Variants in MEI4 observed in about 807,000 individuals in gnomAD.
MEI4 encodes the protein meiosis-specific protein MEI4.
In MEI4, 27 loss-of-function variants were observed where a neutral mutation model predicts 31.4. The observed-to-expected ratio is 0.86, with a 90% confidence interval of 0.63 to 1.19. MEI4 has a LOEUF of 1.19. Among genes scored for constraint, MEI4 ranks in the 50% most tolerant of loss-of-function variants. The pLI is 0.00. For missense variants in MEI4, 329 were observed against 398.9 expected, an observed-to-expected ratio of 0.82 and a Z score of 1.49; for synonymous variants, 122 against 145.4, an observed-to-expected ratio of 0.84 and a Z score of 1.16.
chr6:77,822,121 G>A (rs76336478), intron 3 of MEI4, among the ~76,000 whole-genome samples: 9 of 151,560 alleles, frequency 5.9e-5, no homozygotes, highest in South Asian at 4.2e-4. Flanking sequence ...TCTTTCTTAC[G>A]AATTCTGCAT....
intron 2 of MEI4, among the ~76,000 whole-genome samples, chr6:77,732,153 A>T (rs1023833603): frequency 1.3e-5 from 2 of 151,388 alleles, no homozygotes; most frequent in African/African-American, 4.9e-5. Flanking sequence ...AGTTTTTTCC[A>T]ATTCTGTGAA....
chr6:77,908,092 G>T (rs866808627), intron 4 of MEI4, among the ~76,000 whole-genome samples: 7 of 150,876 alleles, frequency 4.6e-5, no homozygotes, highest in Admixed American at 2.6e-4. Context: ...CTCCCATTCT[G>T]TAAGTTTCCT....
At chr6:77,920,962 G>A (rs1407502076) in intron 4 of MEI4, among the ~76,000 whole-genome samples, 3 of 151,812 alleles carry the variant, frequency 2.0e-5, no homozygotes, top group African/African-American at 7.2e-5. Flanking sequence ...AAATACTTAA[G>A]GATTCCAGAA....
At chr6:77,750,450 A>G (rs1767738924) in intron 2 of MEI4, among the ~76,000 whole-genome samples, 1 of 152,238 alleles carries the variant, frequency 6.6e-6, no homozygotes, top group South Asian at 2.1e-4. Context: ...TGGAAACCAA[A>G]GAAAGCAGGT....
At chr6:77,805,999 A>G (rs11756049) in intron 3 of MEI4, among the ~76,000 whole-genome samples, 20,928 of 152,070 alleles carry the variant, frequency 0.14, 1,527 homozygotes, top group Middle Eastern at 0.21. Flanking sequence ...GAGAAGAGGG[A>G]TGAAAATAAC....
rs575321223 is a variant in MEI4 at position 77,732,476 on chromosome 6, C to T, written c.233-28654C>T. 1.4e-3 allele frequency among the ~76,000 whole-genome samples: 219 copies of T among 152,110 alleles called. 3 individuals are homozygous for T. The highest frequency in any genetic ancestry group is 4.6e-3 in the African/African-American group (191 of 41,456). On this transcript the variant is annotated intron_variant, in intron 2 of 4. Transcript: ENST00000684080. ...ATGCTTGTGATTTTTGCACATTGAT[C>T]TTGTATCCTGAGACTTTGCTGAAGT...
chr6:77,736,080 C>T (rs867504874), intron 2 of MEI4, among the ~76,000 whole-genome samples: 3 of 152,062 alleles, frequency 2.0e-5, no homozygotes, highest in Non-Finnish European at 4.4e-5. Context: ...TTACTGCTGT[C>T]TTTTTGTTTG....
In MEI4 at chr6:77,682,307, A is replaced by G. The variant is rs9448138; in HGVS notation, c.-14-8351A>G. Among the ~76,000 whole-genome samples, 1,226 of 152,336 alleles carry G rather than the reference A, an allele frequency of 8.0e-3. 14 individuals are homozygous for G. The highest frequency in any genetic ancestry group is 0.027 in the African/African-American group (1,110 of 41,572). On this transcript the variant is annotated intron_variant, in intron 1 of 4. Transcript: ENST00000684080. ...TTGGCAAGTATTTAGAGTAGGTCTC[A>G]CATAAGATAAAATCTGGTTTTCTCC...
intron 4 of MEI4, among the ~76,000 whole-genome samples, chr6:77,875,101 C>A (rs1771301042): frequency 1.3e-5 from 2 of 152,138 alleles, no homozygotes; most frequent in Non-Finnish European, 2.9e-5. Context: ...TGCTTCCCTA[C>A]ACAAAAAGGT....
chr6:77,733,318 C>A (rs559045759), intron 2 of MEI4, among the ~76,000 whole-genome samples: 8 of 151,998 alleles, frequency 5.3e-5, no homozygotes, highest in Non-Finnish European at 1.0e-4. Flanking sequence ...TGTTATTGGT[C>A]TATTCAGAGA....
At position 77,761,229 on chromosome 6, in the gene MEI4, G is replaced by T. The variant is rs1768036304; in HGVS notation, c.332G>T (p.Arg111Ile). Residue 111 changes from arginine (R) to isoleucine (I), a missense_variant, in exon 3 of 5, where the codon AGA (arginine) becomes ATA (isoleucine). Transcript: ENST00000684080. Reference sequence around the variant, plus strand: ...GGATGTGATTTGTCGAATGAGCAGAGAACTGAATCCTCAGACCTGTCCCAG... The same window carrying T: ...GGATGTGATTTGTCGAATGAGCAGATAACTGAATCCTCAGACCTGTCCCAG... ...DSGCDLSNEQ[R>I]TESSDLSQHF... 2 of 1,232,522 alleles carry T rather than the reference G, an allele frequency of 1.6e-6. No homozygotes were observed. The highest frequency in any genetic ancestry group is 2.0e-6 in the Non-Finnish European group (2 of 988,026). The allele number at this position is 1,232,522 out of a possible 1,614,324, so 76.3% of individuals were successfully genotyped here.
chr6:77,877,376 A>G (rs1771367249), intron 4 of MEI4, among the ~76,000 whole-genome samples: 1 of 151,992 alleles, frequency 6.6e-6, no homozygotes, highest in Non-Finnish European at 1.5e-5. Flanking sequence ...GTCATTGCTC[A>G]GCTTTTTATG....
intron 2 of MEI4, among the ~76,000 whole-genome samples, chr6:77,745,284 G>C (rs1164813665): frequency 6.6e-6 from 1 of 152,058 alleles, no homozygotes; most frequent in Non-Finnish European, 1.5e-5. Context: ...GACCTACCAA[G>C]CAAATGGAAA....
In MEI4 at chr6:77,924,316, T is replaced by A. The variant is rs1236407983; in HGVS notation, c.*970T>A. The A allele has an allele frequency of 1.3e-5, 2 of 151,920 alleles. No individual in the cohort carries two copies. Among genetic ancestry groups the A allele is most frequent in the Non-Finnish European group, 2.9e-5 (2 of 67,890 alleles). The allele number at this position is 151,920 out of a possible 1,614,324, so 9.4% of individuals were successfully genotyped here. On this transcript the variant is annotated 3_prime_UTR_variant, in exon 5 of 5. Coordinates refer to ENST00000684080, the MANE Select transcript of MEI4 (RefSeq NM_001322247.2). ...TAAATGTCGTTGGCATTAAAAGTAATCTTGATAATTCCATCTACAATGTAT... is the reference window on the plus strand; with the variant it reads ...TAAATGTCGTTGGCATTAAAAGTAAACTTGATAATTCCATCTACAATGTAT...
chr6:77,809,145 A>G (rs1162933280), intron 3 of MEI4, among the ~76,000 whole-genome samples: 1 of 152,194 alleles, frequency 6.6e-6, no homozygotes, highest in Non-Finnish European at 1.5e-5. Flanking sequence ...TTACTTACTC[A>G]ACATAATTAT....
At chr6:77,745,717 G>A (rs949565650) in intron 2 of MEI4, among the ~76,000 whole-genome samples, 1 of 152,002 alleles carries the variant, frequency 6.6e-6, no homozygotes, top group Non-Finnish European at 1.5e-5. Flanking sequence ...CACATACTGG[G>A]AAGTAAAGCA....
intron 3 of MEI4, among the ~76,000 whole-genome samples, chr6:77,824,883 A>G (rs9443480): frequency 0.23 from 34,595 of 152,052 alleles, 4,692 homozygotes; most frequent in African/African-American, 0.38. Flanking sequence ...GTAGGGCTAT[A>G]CAAATAGGTA....
chr6:77,710,551 A>G (rs908995103), intron 2 of MEI4, among the ~76,000 whole-genome samples: 45 of 150,944 alleles, frequency 3.0e-4, no homozygotes, highest in Admixed American at 2.8e-3. Flanking sequence ...AAGAAAAGGT[A>G]AAATAAAGTG....
At chr6:77,729,375 T>G (rs576583490) in intron 2 of MEI4, among the ~76,000 whole-genome samples, 2 of 152,344 alleles carry the variant, frequency 1.3e-5, no homozygotes, top group Non-Finnish European at 2.9e-5. Context: ...TAAAAGATAG[T>G]GTTTCTCACA....
Sources: gnomAD v4.1 joint callset for allele counts (sites outside exome capture counted in the v4.1 genomes callset) on GRCh38, gnomAD v4.1.1 for gene constraint, MANE v1.5 for transcripts, NCBI Gene and HGNC (gene_info 2026-07-23, HGNC 2026-07-21) for gene names.